Variants in RTTN observed in about 807,000 individuals in gnomAD.
RTTN encodes rotatin.
RTTN carries 182 observed loss-of-function variants against 269.2 expected under a neutral mutation model. The ratio of observed to expected loss-of-function variants is 0.68; its 90% CI spans 0.60 to 0.76. RTTN has a LOEUF of 0.76. Among genes scored for constraint, RTTN ranks in the 30% least tolerant of loss-of-function variants. The probability of loss-of-function intolerance (pLI) is 0.00; values close to 1 mark genes in which losing one functional copy is unlikely to be tolerated. For missense variants in RTTN, 2,545 were observed against 2,608.6 expected (o/e 0.98, Z 0.53); for synonymous variants, 1,006 against 963.5 (o/e 1.04, Z -0.82).
intron 40 of RTTN, among the ~76,000 whole-genome samples, chr18:70,040,102 AGGCAG>A (rs2057296297): frequency 6.6e-6 from 1 of 152,226 alleles, no homozygotes. Flanking sequence ...AAACGGCAGA[AGGCAG>A]TCCCTACTTG....
At chr18:70,198,718 GTTTAA>G (rs991733814) in intron 5 of RTTN, among the ~76,000 whole-genome samples, 16 of 152,144 alleles carry the variant, frequency 1.1e-4, no homozygotes, top group African/African-American at 3.6e-4. Context: ...TATCCACATG[GTTTAA>G]TTTGTCTCCT....
At chr18:70,055,993 G>A (rs1280249441) in intron 37 of RTTN, among the ~76,000 whole-genome samples, 1 of 152,138 alleles carries the variant, frequency 6.6e-6, no homozygotes, top group Non-Finnish European at 1.5e-5. Context: ...CCTTCAGGAG[G>A]CCCCTCCCCT....
rs559091971 is a variant in RTTN at position 70,114,559 on chromosome 18, G to A, written c.3569C>T (p.Ser1190Leu). ...ATCATCTGTTTCTTCTCGTGCCTGT[G>A]ACTCTGTCAGAACCAAGAGGTCTAA... ...PLLDLLVLTE[S>L]QAREETDDIR... Residue 1190 changes from serine (S) to leucine (L), a missense_variant, in exon 27 of 49, where the codon TCA (serine) becomes TTA (leucine). Coordinates refer to ENST00000640769, the MANE Select transcript of RTTN (RefSeq NM_173630.4). 1.2e-6 allele frequency: 2 copies of A among 1,613,490 alleles called. No homozygotes were observed. The highest frequency in any genetic ancestry group is 2.7e-5 in the African/African-American group (2 of 75,028).
intron 40 of RTTN, among the ~76,000 whole-genome samples, chr18:70,036,467 C>G (rs1304536639): frequency 6.6e-6 from 1 of 152,182 alleles, no homozygotes; most frequent in Non-Finnish European, 1.5e-5. Context: ...ACTGCTTGTT[C>G]TCACTTATAA....
intron 20 of RTTN, 166 bp from the exon 21 acceptor site, chr18:70,139,882 C>T (rs904733593): frequency 1.9e-5 from 12 of 615,988 alleles, no homozygotes; most frequent in Admixed American, 3.2e-5. Flanking sequence ...AAGTAAGTTT[C>T]GTATATACTT....
chr18:70,121,458 A>T, intron 26 of RTTN, 98 bp downstream of exon 26: 1 of 1,035,028 alleles, frequency 9.7e-7, no homozygotes, highest in Non-Finnish European at 1.4e-6. Flanking sequence ...CCAAGCATAG[A>T]CAATATAAAA....
At chr18:70,103,078 C>T (rs1452204655) in intron 28 of RTTN, among the ~76,000 whole-genome samples, 7 of 145,796 alleles carry the variant, frequency 4.8e-5, no homozygotes, top group African/African-American at 1.5e-4. Context: ...CGCCTCTGCC[C>T]GGCTGCCCCG....
In RTTN at chr18:70,142,334, G is replaced by T; in HGVS notation, c.2535C>A (p.Leu845=). ...GTTCAGCAGCTGACTTTCTCAAAAC[G>T]AGATCAACATCATCTGAGGTGAAGA... is the stretch of plus-strand genomic sequence containing the variant. ...YEIFTSDDVD[L]VLRKSAAEQL... The change falls in exon 19 of 49, where the codon CTC becomes CTA. Residue 845 remains leucine (L), a synonymous_variant. Transcript: ENST00000640769. The T allele has an allele frequency of 6.2e-7, 1 of 1,607,832 alleles. No homozygotes were observed. The highest frequency in any genetic ancestry group is 8.5e-7 in the Non-Finnish European group (1 of 1,178,110).
chr18:70,028,656 C>G, intron 43 of RTTN, 68 bp downstream of exon 43: 1 of 879,390 alleles, frequency 1.1e-6, no homozygotes, highest in Non-Finnish European at 1.8e-6. Flanking sequence ...ACTACATTAT[C>G]TCACATAAAA....
intron 28 of RTTN, among the ~76,000 whole-genome samples, chr18:70,102,029 G>T (rs1003323521): frequency 2.0e-5 from 3 of 152,166 alleles, no homozygotes; most frequent in African/African-American, 7.2e-5. Flanking sequence ...AGTGTGATGT[G>T]GTGCTGAGAA....
intron 26 of RTTN, among the ~76,000 whole-genome samples, chr18:70,116,015 T>A (rs954849176): frequency 6.6e-6 from 1 of 152,030 alleles, no homozygotes; most frequent in African/African-American, 2.4e-5. Flanking sequence ...TTAAGCAATA[T>A]ATGTCTTTGG....
In RTTN at chr18:70,190,676, G is replaced by A; in HGVS notation, c.1051C>T (p.His351Tyr). The change falls in exon 9 of 49, where the codon CAT becomes TAT. Residue 351 changes from histidine to tyrosine, a missense_variant. Coordinates refer to ENST00000640769, the MANE Select transcript of RTTN (RefSeq NM_173630.4). ...ATGTGTCCCATATCCAAAGGTGAATGAACGGATATCCTGGAGTTTACATGA... is the reference window on the plus strand; with the variant it reads ...ATGTGTCCCATATCCAAAGGTGAATAAACGGATATCCTGGAGTTTACATGA... Reference protein sequence around the residue: ...HAHVNSRISVHSPLDMGHIDL... With the variant: ...HAHVNSRISVYSPLDMGHIDL... 6.2e-7 allele frequency: 1 copy of A among 1,613,022 alleles called. No homozygotes were observed. The highest frequency in any genetic ancestry group is 8.5e-7 in the Non-Finnish European group (1 of 1,179,078).
At chr18:70,205,066 AT>A in intron 2 of RTTN, 61 bp downstream of exon 2, 6 of 1,510,906 alleles carry the variant, frequency 4.0e-6, no homozygotes, top group Non-Finnish European at 5.4e-6. Context: ...AAACGCTACA[AT>A]TAAATGACTA....
At chr18:70,136,489 G>C (rs962380002) in intron 21 of RTTN, among the ~76,000 whole-genome samples, 2 of 151,728 alleles carry the variant, frequency 1.3e-5, no homozygotes, top group Admixed American at 6.6e-5. Context: ...CATAAGGATT[G>C]TGCCTATCTT....
At chr18:70,171,565 C>T (rs530020679) in intron 11 of RTTN, among the ~76,000 whole-genome samples, 1 of 152,300 alleles carries the variant, frequency 6.6e-6, no homozygotes, top group South Asian at 2.1e-4. Flanking sequence ...TTACATGGCC[C>T]AATGGACTAA....
At chr18:70,105,199 G>A (rs1055093537) in intron 28 of RTTN, among the ~76,000 whole-genome samples, 13 of 152,124 alleles carry the variant, frequency 8.5e-5, no homozygotes, top group African/African-American at 2.7e-4. Flanking sequence ...CAGCAATGGC[G>A]GACACCCCTC....
intron 40 of RTTN, among the ~76,000 whole-genome samples, chr18:70,041,929 A>G (rs1363600450): frequency 6.6e-6 from 1 of 151,666 alleles, no homozygotes. Flanking sequence ...CTACAAAATA[A>G]CCCCCATTGG....
intron 48 of RTTN, 28 bp downstream of exon 48, chr18:70,005,170 C>T (rs1218395813): frequency 6.5e-7 from 1 of 1,544,034 alleles, no homozygotes; most frequent in East Asian, 2.3e-5. Context: ...CTGAGTTTAA[C>T]TATAATCTCT....
At chr18:70,105,639 A>G (rs780109332) in intron 28 of RTTN, among the ~76,000 whole-genome samples, 25 of 152,038 alleles carry the variant, frequency 1.6e-4, no homozygotes, top group Admixed American at 1.0e-3. Flanking sequence ...TCCGAAATTT[A>G]TTTTATTAAA....
Sources: allele counts gnomAD v4.1 joint callset (sites outside exome capture counted in the v4.1 genomes callset), GRCh38; gene constraint gnomAD v4.1.1; transcripts MANE v1.5; gene names NCBI Gene and HGNC (gene_info 2026-07-23, HGNC 2026-07-21).